The following PARD3 variants were observed in gnomAD, a reference collection of about 807,000 sequenced individuals.
PARD3 encodes the protein partitioning defective 3 homolog.
In PARD3, 75 loss-of-function variants were observed where a neutral mutation model predicts 155.4. That is an observed-to-expected ratio of 0.48 (90% confidence interval 0.40 to 0.58). The LOEUF (loss-of-function observed/expected upper bound fraction) is 0.58, where lower values mean the gene tolerates loss of function less well. Among genes scored for constraint, PARD3 ranks in the 20% least tolerant of loss-of-function variants. PARD3 has a pLI of 0.00. For synonymous variants in PARD3, 576 were observed against 610.5 expected (o/e 0.94, Z 0.83); for missense variants, 1,642 against 1,721.7 (o/e 0.95, Z 0.82).
chr10:34,367,967 A>G (rs1840142928), intron 12 of PARD3, among the ~76,000 whole-genome samples: 1 of 151,794 alleles, frequency 6.6e-6, no homozygotes, highest in Non-Finnish European at 1.5e-5. Context: ...AAAGTTAAGC[A>G]TGTGGCTGGG....
intron 22 of PARD3, among the ~76,000 whole-genome samples, chr10:34,204,700 T>C (rs1356110415): frequency 6.8e-6 from 1 of 146,134 alleles, no homozygotes; most frequent in Non-Finnish European, 1.6e-5. Flanking sequence ...TTACGTTACA[T>C]TCCCCCCTAC....
At chr10:34,781,492 C>T (rs375416004) in intron 1 of PARD3, among the ~76,000 whole-genome samples, 9 of 152,096 alleles carry the variant, frequency 5.9e-5, no homozygotes, top group Admixed American at 2.0e-4. Context: ...GGAAAATGAA[C>T]GAAAGAAAAC....
Position 34,176,947 on chromosome 10 carries a change from T to TTGTG in PARD3, c.3420-45368_3420-45365dup, listed in dbSNP as rs55740137. 1.7e-4 allele frequency among the ~76,000 whole-genome samples: 25 copies of TTGTG among 149,576 alleles called. No individual in the cohort carries two copies. The South Asian group carries it at 1.7e-3, about 10-fold the overall frequency. On this transcript the variant is annotated intron_variant, in intron 22 of 24. Coordinates refer to ENST00000374788, the MANE Select transcript of PARD3 (RefSeq NM_001184785.2). ...AAAGTCCTTCCTTAGGAGAAGCAGGTTGTGTGTGTGTGTGTGTGTGTGTCA... is the reference window on the plus strand; with the variant it reads ...AAAGTCCTTCCTTAGGAGAAGCAGGTTGTGTGTGTGTGTGTGTGTGTGTGTGTCA...
intron 22 of PARD3, among the ~76,000 whole-genome samples, chr10:34,151,673 A>C (rs1948788797): frequency 1.3e-5 from 2 of 152,340 alleles, no homozygotes; most frequent in East Asian, 3.9e-4. Flanking sequence ...AAAAAAATAC[A>C]GGCATCCTCT....
chr10:34,182,086 A>T (rs926032176), intron 22 of PARD3, among the ~76,000 whole-genome samples: 31 of 152,270 alleles, frequency 2.0e-4, no homozygotes, highest in African/African-American at 7.2e-4. Context: ...AAAGCTTAAC[A>T]CTACCGCACA....
chr10:34,637,016 T>C (rs148774342), intron 2 of PARD3, among the ~76,000 whole-genome samples: 277 of 152,348 alleles, frequency 1.8e-3, no homozygotes, highest in African/African-American at 6.1e-3. Context: ...AAAATCAAGA[T>C]GACTGCCTGA....
intron 22 of PARD3, among the ~76,000 whole-genome samples, chr10:34,196,634 C>T (rs1222233134): frequency 3.7e-5 from 5 of 135,100 alleles, no homozygotes; most frequent in African/African-American, 1.2e-4. Flanking sequence ...AGTGCAGTGG[C>T]TCGATCTTGG....
At chr10:34,772,514 G>A (rs115827453) in intron 1 of PARD3, among the ~76,000 whole-genome samples, 3,573 of 150,844 alleles carry the variant, frequency 0.024, 142 homozygotes, top group African/African-American at 0.083. Flanking sequence ...AATACACGCC[G>A]GGCATGGTGG....
intron 1 of PARD3, among the ~76,000 whole-genome samples, chr10:34,788,663 C>T (rs1392441467): frequency 2.6e-5 from 4 of 152,088 alleles, no homozygotes; most frequent in Admixed American, 6.6e-5. Flanking sequence ...TTGGCCAGGA[C>T]GGTCTCGATC....
At chr10:34,620,416 T>G (rs1287745823) in intron 2 of PARD3, among the ~76,000 whole-genome samples, 2 of 152,232 alleles carry the variant, frequency 1.3e-5, no homozygotes, top group South Asian at 4.1e-4. Context: ...AGGACCCATT[T>G]TGCAAACAAA....
intron 3 of PARD3, among the ~76,000 whole-genome samples, chr10:34,497,470 C>T (rs1054068543): frequency 2.0e-5 from 3 of 152,122 alleles, no homozygotes; most frequent in Non-Finnish European, 4.4e-5. Flanking sequence ...CTGGAACCAA[C>T]CCCCAAGCGA....
intron 20 of PARD3, among the ~76,000 whole-genome samples, chr10:34,313,084 C>A (rs1445962633): frequency 6.6e-6 from 1 of 152,164 alleles, no homozygotes; most frequent in Non-Finnish European, 1.5e-5. Flanking sequence ...TATCTCCCTC[C>A]TCCTAAAGTA....
chr10:34,437,845 T>C (rs1339306232), intron 5 of PARD3, among the ~76,000 whole-genome samples: 1 of 152,252 alleles, frequency 6.6e-6, no homozygotes, highest in Non-Finnish European at 1.5e-5. Context: ...GTCACTTTAG[T>C]TATATAAACA....
At chr10:34,225,800 G>A (rs377105935) in intron 22 of PARD3, among the ~76,000 whole-genome samples, 28 of 152,120 alleles carry the variant, frequency 1.8e-4, no homozygotes, top group African/African-American at 6.8e-4. Context: ...GAAAACATAA[G>A]AGAAAAATCC....
intron 2 of PARD3, among the ~76,000 whole-genome samples, chr10:34,651,011 C>CAAAAAAAAAAAAAAAAAAAAAA (rs60113552): frequency 9.0e-5 from 4 of 44,520 alleles, no homozygotes; most frequent in Non-Finnish European, 1.2e-4. Context: ...AACTCTGTCT[C>CAAAAAAAAAAAAAAAAAAAAAA]AAAAAAAAAA....
intron 22 of PARD3, among the ~76,000 whole-genome samples, chr10:34,194,575 C>G (rs1260747152): frequency 1.3e-5 from 2 of 149,756 alleles, no homozygotes; most frequent in Non-Finnish European, 3.0e-5. Context: ...TAAAATAACT[C>G]AAGACATCAC....
chr10:34,416,662 C>A (rs1244091742), intron 5 of PARD3, among the ~76,000 whole-genome samples: 1 of 152,136 alleles, frequency 6.6e-6, no homozygotes, highest in Admixed American at 6.6e-5. Flanking sequence ...AAAATGAAAA[C>A]CTAGCCAGAC....
At chr10:34,508,042 C>A (rs1206461332) in intron 3 of PARD3, among the ~76,000 whole-genome samples, 2 of 152,028 alleles carry the variant, frequency 1.3e-5, no homozygotes, top group East Asian at 1.9e-4. Context: ...TCTAGAAAGA[C>A]AAAATCAATC....
At chr10:34,538,064 A>T (rs1215659556) in intron 2 of PARD3, among the ~76,000 whole-genome samples, 1 of 152,238 alleles carries the variant, frequency 6.6e-6, no homozygotes, top group East Asian at 1.9e-4. Flanking sequence ...AACAAAACAG[A>T]ATATTGCACA....
Sources: gnomAD v4.1 joint callset for allele counts (sites outside exome capture counted in the v4.1 genomes callset) on GRCh38, gnomAD v4.1.1 for gene constraint, MANE v1.5 for transcripts, NCBI Gene and HGNC (gene_info 2026-07-23, HGNC 2026-07-21) for gene names.